RCAN2: variants seen among roughly 807,000 people sequenced by gnomAD.
The protein encoded by RCAN2 is calcipressin-2.
A neutral mutation model predicts 23.6 loss-of-function variants in RCAN2; 9 were observed. The ratio of observed to expected loss-of-function variants is 0.38; its 90% CI spans 0.23 to 0.67. RCAN2 has a LOEUF of 0.67. Among genes scored for constraint, RCAN2 ranks in the 30% least tolerant of loss-of-function variants. The pLI is 0.51. For synonymous variants in RCAN2, 109 were observed against 115.7 expected (o/e 0.94, Z 0.37); for missense variants, 273 against 302.3 (o/e 0.90, Z 0.72).
intron 2 of RCAN2, among the ~76,000 whole-genome samples, chr6:46,317,715 T>C (rs1763485055): frequency 6.6e-6 from 1 of 152,180 alleles, no homozygotes; most frequent in Admixed American, 6.5e-5. Context: ...TCTGCCCGCC[T>C]CGGCCTCCCA....
chr6:46,306,918 A>G (rs1366393950), intron 2 of RCAN2, among the ~76,000 whole-genome samples: 1 of 152,006 alleles, frequency 6.6e-6, no homozygotes, highest in Non-Finnish European at 1.5e-5. Context: ...CTCTCTTCCC[A>G]CTGTAATATT....
Position 46,242,657 on chromosome 6 carries a change from T to TTAC in RCAN2, c.571+4090_571+4091insGTA, listed in dbSNP as rs1163412729. ...AGGTAGTCATTCTTTAACATGCAAT[T>TTAC]AGTTATAATTTGTTACTGAAATGAT... On this transcript the variant is annotated intron_variant, in intron 4 of 4. Transcript: ENST00000371374. Among the ~76,000 whole-genome samples the TTAC allele has an allele frequency of 2.0e-5, 3 of 152,330 alleles. No individual in the cohort carries two copies. In the East Asian group the frequency reaches 5.8e-4, roughly 29 times the overall value.
chr6:46,476,347 A>G (rs1768712753), intron 1 of RCAN2, among the ~76,000 whole-genome samples: 2 of 152,154 alleles, frequency 1.3e-5, no homozygotes, highest in Admixed American at 1.3e-4. Context: ...AGGTAGCATT[A>G]TTTTTATGGT....
intron 4 of RCAN2, among the ~76,000 whole-genome samples, chr6:46,243,241 ATG>A (rs1291175010): frequency 6.6e-6 from 1 of 152,196 alleles, no homozygotes; most frequent in Non-Finnish European, 1.5e-5. Context: ...CAAATCATGC[ATG>A]TGTGTGGCTG....
chr6:46,405,167 T>A (rs147354916), intron 2 of RCAN2, among the ~76,000 whole-genome samples: 7,654 of 152,180 alleles, frequency 0.05, 373 homozygotes, highest in South Asian at 0.14. Flanking sequence ...GATGTTCAGA[T>A]GTGTTCGGAG....
At position 46,406,101 on chromosome 6, in the gene RCAN2, G is replaced by A. The variant is rs1436930988; in HGVS notation, c.225+50651C>T. On this transcript the variant is annotated intron_variant, in intron 2 of 4. Transcript: ENST00000371374. ...CCCACGCCCACCCAGAACTCCAGCT[G>A]GCCCGCAAGCGCTGCGCGCAGCCCC... Among the ~76,000 whole-genome samples, 3 of 152,198 alleles carry A rather than the reference G, an allele frequency of 2.0e-5. No individual in the cohort carries two copies. In the East Asian group the frequency reaches 5.8e-4, roughly 29 times the overall value.
chr6:46,488,510 C>T (rs533498173), intron 1 of RCAN2, among the ~76,000 whole-genome samples: 2 of 152,268 alleles, frequency 1.3e-5, no homozygotes, highest in East Asian at 1.9e-4. Context: ...AAACAACTTC[C>T]TGCTATTAAG....
At chr6:46,410,744 C>G (rs979433872) in intron 2 of RCAN2, among the ~76,000 whole-genome samples, 2 of 152,158 alleles carry the variant, frequency 1.3e-5, no homozygotes, top group African/African-American at 2.4e-5. Context: ...CATCTTATAA[C>G]AGCAAATCTT....
In RCAN2 at chr6:46,461,927, C is replaced by A. The variant is rs115050792; in HGVS notation, c.-2-4949G>T. On this transcript the variant is annotated intron_variant, in intron 1 of 4. Coordinates refer to ENST00000371374, the MANE Select transcript of RCAN2 (RefSeq NM_001251974.2). ...ACTGCAGAATGGAGAAGGAACATGG[C>A]CTTGCCTACCTTACAGATCTACATG... 6.6e-3 allele frequency among the ~76,000 whole-genome samples: 1,009 copies of A among 152,196 alleles called. 7 individuals carry two copies. The highest frequency in any genetic ancestry group is 0.023 in the African/African-American group (951 of 41,514).
chr6:46,356,984 C>A (rs1764851974), intron 2 of RCAN2, among the ~76,000 whole-genome samples: 1 of 152,342 alleles, frequency 6.6e-6, no homozygotes, highest in South Asian at 2.1e-4. Flanking sequence ...CCAGTCTTTA[C>A]CCATTCAGTT....
intron 2 of RCAN2, among the ~76,000 whole-genome samples, chr6:46,429,619 T>C (rs1767129728): frequency 6.6e-6 from 1 of 152,202 alleles, no homozygotes; most frequent in South Asian, 2.1e-4. Context: ...AGGTATTGTA[T>C]TCATTTTTTT....
intron 4 of RCAN2, among the ~76,000 whole-genome samples, chr6:46,226,252 T>C (rs1024364019): frequency 6.6e-6 from 1 of 152,194 alleles, no homozygotes; most frequent in African/African-American, 2.4e-5. Flanking sequence ...TGGCTTAGGA[T>C]TGTCTTGGCA....
chr6:46,316,740 A>G (rs1214418277), intron 2 of RCAN2, among the ~76,000 whole-genome samples: 2 of 152,246 alleles, frequency 1.3e-5, no homozygotes, highest in South Asian at 2.1e-4. Context: ...TGTTGCTATT[A>G]TTAAGTTTGC....
At chr6:46,442,281 T>C (rs974777958) in intron 2 of RCAN2, among the ~76,000 whole-genome samples, 3 of 152,222 alleles carry the variant, frequency 2.0e-5, no homozygotes, top group Non-Finnish European at 4.4e-5. Context: ...TTTTAAAATT[T>C]GAAGTACTTT....
At chr6:46,436,325 G>A (rs967658392) in intron 2 of RCAN2, among the ~76,000 whole-genome samples, 1 of 152,218 alleles carries the variant, frequency 6.6e-6, no homozygotes, top group African/African-American at 2.4e-5. Flanking sequence ...CAATTCTCCT[G>A]CCTCAGCCTC....
chr6:46,266,786 C>T (rs539084752), intron 2 of RCAN2, among the ~76,000 whole-genome samples: 2 of 152,236 alleles, frequency 1.3e-5, no homozygotes, highest in African/African-American at 2.4e-5. Context: ...ACACTGGAGG[C>T]GACTGATTCC....
At chr6:46,372,760 C>T (rs1357619583) in intron 2 of RCAN2, among the ~76,000 whole-genome samples, 1 of 152,180 alleles carries the variant, frequency 6.6e-6, no homozygotes, top group African/African-American at 2.4e-5. Flanking sequence ...AAAACCTGCC[C>T]CAGAATTTCC....
At chr6:46,413,899 T>C (rs1035469697) in intron 2 of RCAN2, among the ~76,000 whole-genome samples, 4 of 152,144 alleles carry the variant, frequency 2.6e-5, no homozygotes, top group Non-Finnish European at 1.5e-5. Flanking sequence ...AAGACAAAGG[T>C]TGGTGACCAC....
At chr6:46,485,087 C>T (rs1236243821) in intron 1 of RCAN2, among the ~76,000 whole-genome samples, 1 of 152,154 alleles carries the variant, frequency 6.6e-6, no homozygotes, top group South Asian at 2.1e-4. Flanking sequence ...CCACTTCTAA[C>T]AATCTGTCCT....
Sources: gnomAD v4.1 joint callset for allele counts (sites outside exome capture counted in the v4.1 genomes callset) on GRCh38, gnomAD v4.1.1 for gene constraint, MANE v1.5 for transcripts, NCBI Gene and HGNC (gene_info 2026-07-23, HGNC 2026-07-21) for gene names.